Variants in KLHL7 observed in about 807,000 individuals in gnomAD.
The protein encoded by KLHL7 is kelch like family member 7.
A neutral mutation model predicts 67.4 loss-of-function variants in KLHL7; 44 were observed. The ratio of observed to expected loss-of-function variants is 0.65; its 90% confidence interval spans 0.51 to 0.84. The LOEUF (loss-of-function observed/expected upper bound fraction) is 0.84. Among genes scored for constraint, KLHL7 ranks in the 40% least tolerant of loss-of-function variants. The pLI, the probability that KLHL7 is intolerant of heterozygous loss-of-function variation, is 0.00. For synonymous variants in KLHL7, 252 were observed against 243.3 expected (o/e 1.04, Z -0.33); for missense variants, 362 against 718.1 (o/e 0.50, Z 5.67).
chr7:23,121,934 A>G (rs575754020), intron 1 of KLHL7, among the ~76,000 whole-genome samples: 5 of 152,204 alleles, frequency 3.3e-5, no homozygotes, highest in South Asian at 2.1e-4. Flanking sequence ...CGCCCGCCTC[A>G]GCCTCCCAAG....
At chr7:23,151,395 A>G (rs1235164340) in intron 6 of KLHL7, among the ~76,000 whole-genome samples, 1 of 152,212 alleles carries the variant, frequency 6.6e-6, no homozygotes, top group Non-Finnish European at 1.5e-5. Flanking sequence ...AAGGAAAAGG[A>G]TCATGACAGA....
intron 4 of KLHL7, among the ~76,000 whole-genome samples, chr7:23,133,028 GT>G (rs1225833541): frequency 6.6e-6 from 1 of 152,154 alleles, no homozygotes; most frequent in East Asian, 1.9e-4. Flanking sequence ...AGTACATGCT[GT>G]TTCGATTACT....
intron 4 of KLHL7, among the ~76,000 whole-genome samples, chr7:23,131,584 C>T (rs1783799859): frequency 6.6e-6 from 1 of 152,108 alleles, no homozygotes; most frequent in Non-Finnish European, 1.5e-5. Flanking sequence ...GAAATAAGCA[C>T]ATCATGGAGA....
Position 23,174,100 on chromosome 7 carries a change from G to A in KLHL7, c.1563G>A (p.Val521=). Residue 521 remains valine, a synonymous_variant, in exon 11 of 11, where the codon GTG becomes GTA. Coordinates refer to ENST00000339077, the MANE Select transcript of KLHL7 (RefSeq NM_001031710.3). Reference sequence around the variant, plus strand: ...CAATGCCATGGAAGGGTGTAACAGTGAAATGTGCAGCAGTTGGCTCTATAG... The same window carrying A: ...CAATGCCATGGAAGGGTGTAACAGTAAAATGTGCAGCAGTTGGCTCTATAG... The part of the protein sequence containing the change: ...VSPMPWKGVT[V]KCAAVGSIVY... The A allele has an allele frequency of 6.2e-7, 1 of 1,614,196 alleles. No individual in the cohort carries two copies. The highest frequency in any genetic ancestry group is 8.5e-7 in the Non-Finnish European group (1 of 1,180,022).
intron 7 of KLHL7, among the ~76,000 whole-genome samples, chr7:23,152,650 A>G (rs544718074): frequency 3.9e-5 from 6 of 152,346 alleles, no homozygotes; most frequent in East Asian, 3.9e-4. Context: ...AAAAGATTAA[A>G]TGACCTTTAT....
intron 1 of KLHL7, chr7:23,106,506 T>C (rs1782646566): frequency 8.7e-7 from 1 of 1,148,186 alleles, no homozygotes; most frequent in Admixed American, 4.0e-5. Flanking sequence ...TGAGATCTTG[T>C]GTGAAGAAAC....
rs1784081960 is a variant in KLHL7 at position 23,138,898 on chromosome 7, A to G, written c.443-1871A>G. ...GTTAATTCTATCAACCTTTCAAAGA[A>G]TAGATTAATTCTTACGTTATTTAAA... is the stretch of plus-strand genomic sequence containing the variant. On this transcript the variant is annotated intron_variant, in intron 4 of 10. Transcript: ENST00000339077. Among the ~76,000 whole-genome samples, 3 of 152,252 alleles carry G rather than the reference A, an allele frequency of 2.0e-5. No individual in the cohort carries two copies. The South Asian group carries it at 6.2e-4, about 32-fold the overall frequency.
chr7:23,175,435 T>G lies in KLHL7; in HGVS notation c.*1137T>G, dbSNP rs1038197436. On this transcript the variant is annotated 3_prime_UTR_variant, in exon 11 of 11. Transcript: ENST00000339077. Reference sequence around the variant, plus strand: ...TTTAACTTAAAATAGGCCACTCAGTTTGTTCTTCAAGTATTTTAGGTAATG... The same window carrying G: ...TTTAACTTAAAATAGGCCACTCAGTGTGTTCTTCAAGTATTTTAGGTAATG... 4.7e-6 allele frequency: 2 copies of G among 424,168 alleles called. No homozygotes were observed. Among genetic ancestry groups the G allele is most frequent in the African/African-American group, 4.1e-5 (2 of 48,266 alleles). The allele number at this position is 424,168 out of a possible 1,614,324, so 26.3% of individuals were successfully genotyped here.
Position 23,174,286 on chromosome 7 carries a change from C to T in KLHL7, c.1749C>T (p.Thr583=). 1.2e-6 allele frequency: 2 copies of T among 1,613,980 alleles called. No individual in the cohort carries two copies. The highest frequency in any genetic ancestry group is 2.2e-5 in the East Asian group (1 of 44,870). Residue 583 remains threonine, a synonymous_variant, in exon 11 of 11, where the codon ACC becomes ACT. Coordinates refer to ENST00000339077, the MANE Select transcript of KLHL7 (RefSeq NM_001031710.3). ...ATACTTGTGGAGCAAATGAAGAGAC[C>T]CTTGAAACATGAAAAATGAGTGGAC... The part of the protein sequence containing the change: ...VVDTCGANEE[T]LET
rs571574106 is a variant in KLHL7 at position 23,161,973 on chromosome 7, C to T, written c.937-3725C>T. Among the ~76,000 whole-genome samples, 193 of 152,276 alleles carry T rather than the reference C, an allele frequency of 1.3e-3. 6 individuals carry two copies. The South Asian group carries it at 0.036, about 29-fold the overall frequency. On this transcript the variant is annotated intron_variant, in intron 7 of 10. Coordinates refer to ENST00000339077, the MANE Select transcript of KLHL7 (RefSeq NM_001031710.3). Reference sequence around the variant, plus strand: ...CGTTGTGCTTATAAGTGAAAAGATACGGAGATTGTGCAGGACCTCAGCAGC... The same window carrying T: ...CGTTGTGCTTATAAGTGAAAAGATATGGAGATTGTGCAGGACCTCAGCAGC...
In KLHL7 at chr7:23,174,670, A is replaced by C. The variant is rs966740352; in HGVS notation, c.*372A>C. The C allele has an allele frequency of 8.0e-5, 37 of 460,782 alleles. No homozygotes were observed. The highest frequency in any genetic ancestry group is 6.8e-4 in the African/African-American group (34 of 50,318). The allele number at this position is 460,782 out of a possible 1,614,324, so 28.5% of individuals were successfully genotyped here. A position where few individuals can be genotyped will look rare whatever the true frequency, so the allele number is the denominator to read the frequency against. ...TATTTTCATGCATCACAGAAGTGCT[A>C]TACGGTTAGGTCTGTTTGTGCTCAG... On this transcript the variant is annotated 3_prime_UTR_variant, in exon 11 of 11. Coordinates refer to ENST00000339077, the MANE Select transcript of KLHL7 (RefSeq NM_001031710.3).
At chr7:23,124,895 A>T in intron 3 of KLHL7, 114 bp downstream of exon 3, 1 of 1,110,268 alleles carries the variant, frequency 9.0e-7, no homozygotes, top group South Asian at 1.3e-5. Context: ...AACCGCAAGG[A>T]TGGAAGAGTT....
chr7:23,130,603 G>T (rs1783762546), intron 4 of KLHL7, among the ~76,000 whole-genome samples: 1 of 152,134 alleles, frequency 6.6e-6, no homozygotes, highest in Admixed American at 6.5e-5. Flanking sequence ...GACATTGTAA[G>T]TTCTTGGATA....
intron 6 of KLHL7, among the ~76,000 whole-genome samples, chr7:23,151,597 T>G (rs1784538933): frequency 6.6e-6 from 1 of 152,192 alleles, no homozygotes; most frequent in African/African-American, 2.4e-5. Flanking sequence ...TGAACCACAT[T>G]TTAAGTGGCA....
intron 1 of KLHL7, among the ~76,000 whole-genome samples, chr7:23,119,330 G>C (rs1473251335): frequency 6.6e-6 from 1 of 152,076 alleles, no homozygotes; most frequent in African/African-American, 2.4e-5. Context: ...TCAGCCTCCT[G>C]AGTAGCTGGG....
chr7:23,117,946 A>C (rs1412955139), intron 1 of KLHL7: 1 of 1,614,114 alleles, frequency 6.2e-7, no homozygotes, highest in Non-Finnish European at 8.5e-7. Flanking sequence ...CCTTCTTGAC[A>C]AGCCACATAA....
chr7:23,173,898 G>C, intron 10 of KLHL7, 117 bp from the exon 11 acceptor site: 10 of 1,018,338 alleles, frequency 9.8e-6, no homozygotes, highest in Non-Finnish European at 1.5e-5. Flanking sequence ...CAGTTTTTCT[G>C]TGTGTTTGAC....
chr7:23,169,715 T>A (rs1042862880), intron 9 of KLHL7, among the ~76,000 whole-genome samples: 1 of 152,210 alleles, frequency 6.6e-6, no homozygotes, highest in Non-Finnish European at 1.5e-5. Context: ...AGCTTCTGTA[T>A]TTTTTAAAAC....
chr7:23,114,200 A>G (rs1377707979), intron 1 of KLHL7, among the ~76,000 whole-genome samples: 3 of 152,086 alleles, frequency 2.0e-5, no homozygotes, highest in East Asian at 1.9e-4. Context: ...GTTATGATGG[A>G]CTCCATAAGC....
Sources: gnomAD v4.1 joint callset for allele counts (sites outside exome capture counted in the v4.1 genomes callset) on GRCh38, gnomAD v4.1.1 for gene constraint, MANE v1.5 for transcripts, NCBI Gene and HGNC (gene_info 2026-07-23, HGNC 2026-07-21) for gene names.